NFIA: variants seen among roughly 807,000 people sequenced by gnomAD.
NFIA encodes nuclear factor I A.
NFIA carries 8 observed loss-of-function variants against 62.8 expected under a neutral mutation model. The observed-to-expected ratio is 0.13, with a 90% CI of 0.07 to 0.23. The LOEUF is 0.23. NFIA is among the 10% of genes least tolerant of loss of function. NFIA has a pLI of 1.00. For missense variants in NFIA, 410 were observed against 642.1 expected (o/e 0.64, Z 3.91); for synonymous variants, 235 against 238.1 (o/e 0.99, Z 0.12).
At chr1:61,438,656 A>G (rs958597169) in intron 10 of NFIA, among the ~76,000 whole-genome samples, 2 of 152,170 alleles carry the variant, frequency 1.3e-5, no homozygotes, top group Admixed American at 6.5e-5. Flanking sequence ...TTGTAAGGAT[A>G]AATACACTGA....
At position 61,309,717 on chromosome 1, in the gene NFIA, C is replaced by T. The variant is rs911627421; in HGVS notation, c.626-22795C>T. Among the ~76,000 whole-genome samples, 4 of 152,164 alleles carry T rather than the reference C, an allele frequency of 2.6e-5. No homozygotes were observed. In the South Asian group the frequency reaches 6.2e-4, roughly 24 times the overall value. ...CAGCCTGACCAACACAGTGAAACCC[C>T]GTCTCTACTAAAAATACAAAAATTA... On this transcript the variant is annotated intron_variant, in intron 3 of 10. Transcript: ENST00000403491.
intron 10 of NFIA, among the ~76,000 whole-genome samples, chr1:61,435,305 G>T (rs1326909102): frequency 6.6e-6 from 1 of 152,152 alleles, no homozygotes; most frequent in Non-Finnish European, 1.5e-5. Flanking sequence ...GGCAATAATA[G>T]TATCTACCTC....
chr1:61,272,661 A>G (rs1031048309), intron 2 of NFIA, among the ~76,000 whole-genome samples: 1 of 152,212 alleles, frequency 6.6e-6, no homozygotes, highest in Non-Finnish European at 1.5e-5. Context: ...TAAGGTCTAC[A>G]GTTGTAGAGG....
At chr1:61,384,791 G>A (rs1664593817) in intron 7 of NFIA, among the ~76,000 whole-genome samples, 1 of 152,094 alleles carries the variant, frequency 6.6e-6, no homozygotes, top group Admixed American at 6.6e-5. Context: ...TCCTGCAGGA[G>A]CTCAGTATTG....
At position 61,406,564 on chromosome 1, in the gene NFIA, C is replaced by A; in HGVS notation, c.1257C>A (p.Pro419=). The change falls in exon 9 of 11, where the codon CCC becomes CCA. Residue 419 remains proline, a splice_region_variant and synonymous_variant. Coordinates refer to ENST00000403491, the MANE Select transcript of NFIA (RefSeq NM_001134673.4). ...QQAGQVGFLN[P]NGSSQGKVHN... is the part of the protein sequence containing the mutation. ...TTCTGCCCCCCCCCCCCCCACAGCC[C>A]AATGGGAGCAGCCAAGGCAAGGTGC... 6.9e-7 allele frequency: 1 copy of A among 1,445,202 alleles called. No individual in the cohort carries two copies. The highest frequency in any genetic ancestry group is 2.8e-5 in the East Asian group (1 of 35,906). The allele number at this position is 1,445,202 out of a possible 1,614,324, so 89.5% of individuals were successfully genotyped here.
At chr1:61,354,840 C>T (rs1380265307) in intron 5 of NFIA, among the ~76,000 whole-genome samples, 1 of 152,142 alleles carries the variant, frequency 6.6e-6, no homozygotes, top group Non-Finnish European at 1.5e-5. Context: ...GACAGTGAGT[C>T]CCTTGAACGA....
chr1:61,183,101 G>A (rs1475279633), intron 2 of NFIA, among the ~76,000 whole-genome samples: 2 of 152,038 alleles, frequency 1.3e-5, no homozygotes, highest in Non-Finnish European at 2.9e-5. Flanking sequence ...ATGGCACAGT[G>A]TATATTTTGG....
chr1:61,172,584 C>T (rs147988805), intron 2 of NFIA, among the ~76,000 whole-genome samples: 2 of 152,182 alleles, frequency 1.3e-5, no homozygotes, highest in Admixed American at 6.5e-5. Context: ...CAAGCAGACA[C>T]CTCCTTTGTT....
chr1:61,359,281 A>C lies in NFIA; in HGVS notation c.946+7A>C. On this transcript the variant is annotated splice_region_variant and intron_variant, in intron 6 of 10. Coordinates refer to ENST00000403491, the MANE Select transcript of NFIA (RefSeq NM_001134673.4). ...TGGCATGAAGTGGAGCCAGGTAAGC[A>C]GAGTGGCGGCACGGGCATGTGGCTA... 6.2e-7 allele frequency: 1 copy of C among 1,612,266 alleles called. No homozygotes were observed. Among genetic ancestry groups the C allele is most frequent in the East Asian group, 2.2e-5 (1 of 44,864 alleles).
chr1:61,393,244 CCTCTCT>C (rs766730638), intron 7 of NFIA, among the ~76,000 whole-genome samples: 350 of 29,106 alleles, frequency 0.012, 16 homozygotes, highest in South Asian at 0.017. Flanking sequence ...TCGCCCTCTC[CCTCTCT>C]CTCTCTCTCT....
intron 10 of NFIA, 117 bp from the exon 11 acceptor site, chr1:61,455,186 G>A: frequency 1.0e-6 from 1 of 980,410 alleles, no homozygotes; most frequent in East Asian, 2.6e-5. Context: ...ACTTTTCCCA[G>A]CGAATCCCTC....
intron 3 of NFIA, among the ~76,000 whole-genome samples, chr1:61,291,421 A>G (rs1389588071): frequency 6.6e-6 from 1 of 152,198 alleles, no homozygotes; most frequent in Non-Finnish European, 1.5e-5. Flanking sequence ...AGAACATTTG[A>G]GTTTTGGACT....
At chr1:61,111,367 C>G (rs764562885) in intron 2 of NFIA, among the ~76,000 whole-genome samples, 1 of 152,012 alleles carries the variant, frequency 6.6e-6, no homozygotes, top group Non-Finnish European at 1.5e-5. Context: ...TTGTTTAACT[C>G]TAGGTGTAAA....
At chr1:61,358,379 C>CTTTCT (rs71582639) in intron 5 of NFIA, among the ~76,000 whole-genome samples, 6,444 of 53,866 alleles carry the variant, frequency 0.12, 873 homozygotes, top group Non-Finnish European at 0.15. Flanking sequence ...TTCTTTCTTT[C>CTTTCT]TTTTTTTTTT....
chr1:61,358,359 T>C (rs1456229048), intron 5 of NFIA, among the ~76,000 whole-genome samples: 1 of 145,918 alleles, frequency 6.9e-6, no homozygotes, highest in Non-Finnish European at 1.5e-5. Flanking sequence ...ACTTTTCATT[T>C]TCTTTTCTTT....
chr1:61,379,315 T>G (rs916504998), intron 6 of NFIA, among the ~76,000 whole-genome samples: 1 of 152,030 alleles, frequency 6.6e-6, no homozygotes, highest in South Asian at 2.1e-4. Context: ...TATAAACTCC[T>G]GGGTTCATGT....
intron 2 of NFIA, among the ~76,000 whole-genome samples, chr1:61,197,845 G>A (rs1473597684): frequency 6.6e-6 from 1 of 151,962 alleles, no homozygotes; most frequent in African/African-American, 2.4e-5. Context: ...GCCGGGCTTG[G>A]TGGTGGGTGC....
At chr1:61,123,275 C>T (rs1646917248) in intron 2 of NFIA, among the ~76,000 whole-genome samples, 1 of 152,158 alleles carries the variant, frequency 6.6e-6, no homozygotes, top group Non-Finnish European at 1.5e-5. Context: ...ATCCTACTGG[C>T]AGCTGTTTTG....
At chr1:61,146,490 T>C (rs959226608) in intron 2 of NFIA, among the ~76,000 whole-genome samples, 7 of 152,220 alleles carry the variant, frequency 4.6e-5, no homozygotes, top group African/African-American at 7.2e-5. Context: ...GTTGCTAACT[T>C]GGCAGAGCCT....
Sources: gnomAD v4.1 joint callset for allele counts (sites outside exome capture counted in the v4.1 genomes callset) on GRCh38, gnomAD v4.1.1 for gene constraint, MANE v1.5 for transcripts, NCBI Gene and HGNC (gene_info 2026-07-23, HGNC 2026-07-21) for gene names.